Variants in NR2C2 observed in about 807,000 individuals in gnomAD.
The protein encoded by NR2C2 is nuclear receptor subfamily 2 group C member 2.
Under a neutral mutation model 62.9 loss-of-function variants are expected in NR2C2, and 6 were observed. That is an observed-to-expected ratio of 0.10 (90% confidence interval 0.05 to 0.19). The LOEUF (loss-of-function observed/expected upper bound fraction) is 0.19. Among genes scored for constraint, NR2C2 ranks in the 10% least tolerant of loss-of-function variants. NR2C2 has a pLI of 1.00. For missense variants in NR2C2, 479 were observed against 762.7 expected (o/e 0.63, Z 4.38); for synonymous variants, 272 against 273.8 (o/e 0.99, Z 0.07).
chr3:14,970,210 C>T (rs1298326940), intron 1 of NR2C2, among the ~76,000 whole-genome samples: 2 of 127,524 alleles, frequency 1.6e-5, no homozygotes, highest in African/African-American at 3.1e-5. Flanking sequence ...TGTCCTTACC[C>T]CACTATTTCT....
chr3:14,990,977 A>C (rs1257376592), intron 1 of NR2C2, among the ~76,000 whole-genome samples: 1 of 152,082 alleles, frequency 6.6e-6, no homozygotes, highest in African/African-American at 2.4e-5. Context: ...TTGGCAGGTT[A>C]CTCTGCCTGT....
chr3:15,004,037 CA>C (rs2041097496), intron 2 of NR2C2, 51 bp downstream of exon 2: 1 of 1,475,748 alleles, frequency 6.8e-7, no homozygotes, highest in African/African-American at 1.4e-5. Flanking sequence ...GAACTCTTTC[CA>C]AAAACAAACC....
rs181824237 is a variant in NR2C2, at chr3:14,953,964, G to T, written c.-40+6058G>T. ...GTTACACAATACTAGCGGGCTTCAT[G>T]CTGCATTTCCCCCAGTGTATTTGTT... On this transcript the variant is annotated intron_variant, in intron 1 of 13. Transcript: ENST00000425241. 8.7e-4 allele frequency among the ~76,000 whole-genome samples: 131 copies of T among 151,372 alleles called. 2 individuals carry two copies. Among genetic ancestry groups the T allele is most frequent in the African/African-American group, 3.1e-3 (127 of 41,196 alleles).
chr3:14,973,017 G>A (rs2040095349), intron 1 of NR2C2, among the ~76,000 whole-genome samples: 1 of 152,076 alleles, frequency 6.6e-6, no homozygotes, highest in African/African-American at 2.4e-5. Context: ...AGATTGGTTG[G>A]GGGAACAGAT....
chr3:14,952,219 T>C (rs1190101709), intron 1 of NR2C2, among the ~76,000 whole-genome samples: 8 of 152,196 alleles, frequency 5.3e-5, no homozygotes, highest in Admixed American at 3.3e-4. Context: ...AGCATTGAGA[T>C]TGGGGCCAGG....
Position 15,034,679 on chromosome 3 carries a change from C to T in NR2C2, c.1242C>T (p.Cys414=). 6.2e-7 allele frequency: 1 copy of T among 1,614,008 alleles called. No individual in the cohort carries two copies. Among genetic ancestry groups the T allele is most frequent in the Middle Eastern group, 1.6e-4 (1 of 6,062 alleles). The change falls in exon 11 of 14, where the codon TGC becomes TGT. Residue 414 remains cysteine, a synonymous_variant. Coordinates refer to ENST00000425241, the MANE Select transcript of NR2C2 (RefSeq NM_001291694.2). ...IPAFQALGQD[C]NTSLVRACWN... ...CTTTCTATATTCCTAGGCAGGACTG[C>T]AACACCAGCCTTGTGCGGGCCTGCT...
At chr3:14,996,863 G>A (rs937929594) in intron 1 of NR2C2, among the ~76,000 whole-genome samples, 35 of 152,224 alleles carry the variant, frequency 2.3e-4, no homozygotes, top group African/African-American at 8.4e-4. Context: ...CGCCTGGCTA[G>A]AGGGTTAATG....
intron 1 of NR2C2, among the ~76,000 whole-genome samples, chr3:14,967,384 T>C (rs192732300): frequency 6.6e-6 from 1 of 152,234 alleles, no homozygotes; most frequent in African/African-American, 2.4e-5. Context: ...AGTGAGATAC[T>C]ATTTCACATC....
rs1277450447 is a variant in NR2C2 at position 15,043,657 on chromosome 3, T to C, written c.*649T>C. 1 of 152,584 alleles carries C rather than the reference T, an allele frequency of 6.6e-6. No homozygotes were observed. Among genetic ancestry groups the C allele is most frequent in the Non-Finnish European group, 1.5e-5 (1 of 68,078 alleles). 9.5% of individuals were successfully genotyped at this position (152,584 alleles called of 1,614,324 possible). On this transcript the variant is annotated 3_prime_UTR_variant, in exon 14 of 14. Coordinates refer to ENST00000425241, the MANE Select transcript of NR2C2 (RefSeq NM_001291694.2). ...ATGGAAACGTGGCTCATTTGCATCA[T>C]GCAGTAAGTGGGAGTGTGGTAGCAC...
intron 2 of NR2C2, among the ~76,000 whole-genome samples, chr3:15,012,148 T>G (rs1003367932): frequency 6.6e-6 from 1 of 152,200 alleles, no homozygotes; most frequent in South Asian, 2.1e-4. Context: ...CAGCCAACAT[T>G]GTCTTATTTT....
chr3:15,028,774 T>G, intron 8 of NR2C2, 55 bp downstream of exon 8: 2 of 1,578,066 alleles, frequency 1.3e-6, no homozygotes, highest in Non-Finnish European at 1.7e-6. Flanking sequence ...CCTCCCTCTA[T>G]TGTGAGGGTG....
intron 1 of NR2C2, chr3:14,959,132 C>T (rs1360838381): frequency 4.6e-5 from 7 of 152,230 alleles, no homozygotes; most frequent in Admixed American, 4.6e-4. Context: ...ATGACCTTCT[C>T]ACTGTGTGAT....
Position 15,032,242 on chromosome 3 carries a change from G to A in NR2C2, c.1111-137G>A, listed in dbSNP as rs531044603. 281 of 1,197,978 alleles carry A rather than the reference G, an allele frequency of 2.3e-4. 1 individual carries two copies. The highest frequency in any genetic ancestry group is 3.2e-4 in the Non-Finnish European group (263 of 824,124). The allele number at this position is 1,197,978 out of a possible 1,614,324, so 74.2% of individuals were successfully genotyped here. On this transcript the variant is annotated intron_variant, in intron 9 of 13. Transcript: ENST00000425241. The stretch of plus-strand genomic sequence containing the variant: ...CATGGGGAGTCCGTGCAAGCCCCCC[G>A]ACTGCATGGGACTTCAGAATCAGAC...
intron 2 of NR2C2, among the ~76,000 whole-genome samples, chr3:15,009,209 C>T (rs897626928): frequency 1.3e-5 from 2 of 152,136 alleles, no homozygotes; most frequent in African/African-American, 4.8e-5. Context: ...GCAACAAGAG[C>T]GAAACTCCGT....
chr3:14,957,967 A>G (rs2125234536), intron 1 of NR2C2, among the ~76,000 whole-genome samples: 2 of 152,176 alleles, frequency 1.3e-5, no homozygotes, highest in East Asian at 3.9e-4. Context: ...CATACCTGCC[A>G]GTTTTGTATG....
At chr3:15,025,674 G>A (rs1443258398) in intron 7 of NR2C2, 2 of 152,480 alleles carry the variant, frequency 1.3e-5, no homozygotes, top group Non-Finnish European at 2.9e-5. Context: ...GAAGTACAGT[G>A]CTATTACAGA....
chr3:14,951,116 A>G (rs2039344904), intron 1 of NR2C2, among the ~76,000 whole-genome samples: 1 of 152,254 alleles, frequency 6.6e-6, no homozygotes. Context: ...CTTTAGCTGA[A>G]GAAACGAAGC....
intron 4 of NR2C2, among the ~76,000 whole-genome samples, chr3:15,019,838 C>G (rs1193155975): frequency 6.6e-6 from 1 of 152,128 alleles, no homozygotes; most frequent in African/African-American, 2.4e-5. Flanking sequence ...TTCTGGTGTT[C>G]TATTGCACTG....
At chr3:14,953,306 A>T (rs900702725) in intron 1 of NR2C2, among the ~76,000 whole-genome samples, 2 of 152,200 alleles carry the variant, frequency 1.3e-5, no homozygotes, top group Non-Finnish European at 2.9e-5. Context: ...AATCCCTGAA[A>T]TGTTAACATG....
Sources: gnomAD v4.1 joint callset for allele counts (sites outside exome capture counted in the v4.1 genomes callset) on GRCh38, gnomAD v4.1.1 for gene constraint, MANE v1.5 for transcripts, NCBI Gene and HGNC (gene_info 2026-07-23, HGNC 2026-07-21) for gene names.